Variants in FOXN3 observed in about 807,000 individuals in gnomAD.
FOXN3 encodes forkhead box N3.
In FOXN3, 7 loss-of-function variants were observed where a neutral mutation model predicts 38.4. That is an observed-to-expected ratio of 0.18 (90% confidence interval 0.10 to 0.34). The LOEUF is 0.34. Ranked by LOEUF, FOXN3 falls within the 10% of genes least tolerant of loss-of-function variation. The pLI is 1.00. For missense variants in FOXN3, 456 were observed against 613.4 expected, an observed-to-expected ratio of 0.74 and a Z score of 2.71; for synonymous variants, 230 against 242.2, an observed-to-expected ratio of 0.95 and a Z score of 0.47.
chr14:89,495,898 G>T (rs909648683), intron 1 of FOXN3, among the ~76,000 whole-genome samples: 2 of 152,160 alleles, frequency 1.3e-5, no homozygotes, highest in African/African-American at 4.8e-5. Context: ...CACCTGATCC[G>T]ATGTTCTCTA....
At chr14:89,467,181 T>C (rs1892987739) in intron 1 of FOXN3, among the ~76,000 whole-genome samples, 1 of 151,916 alleles carries the variant, frequency 6.6e-6, no homozygotes, top group African/African-American at 2.4e-5. Context: ...AGCTCTCTGC[T>C]AGGGAAGAAA....
intron 4 of FOXN3, among the ~76,000 whole-genome samples, chr14:89,246,018 A>G (rs72699585): frequency 0.15 from 22,665 of 152,156 alleles, 1,921 homozygotes; most frequent in Middle Eastern, 0.21. Context: ...AGGACGGGTG[A>G]TGGCTTAAGG....
intron 1 of FOXN3, among the ~76,000 whole-genome samples, chr14:89,433,744 G>A (rs936098144): frequency 6.0e-5 from 9 of 150,518 alleles, no homozygotes; most frequent in East Asian, 2.0e-4. Context: ...GCAAGGTGGC[G>A]GAGGTTGCAG....
chr14:89,360,698 T>TACCACCACCTCCAGCACTACCTCCACC (rs1566966233), intron 2 of FOXN3, among the ~76,000 whole-genome samples: 29 of 143,422 alleles, frequency 2.0e-4, no homozygotes, highest in African/African-American at 6.8e-4. Context: ...CATCCTCAGC[T>TACCACCACCTCCAGCACTACCTCCACC]ACCACCACCT....
At position 89,311,925 on chromosome 14, in the gene FOXN3, T is replaced by C. The variant is rs1887561455; in HGVS notation, c.681-30911A>G. On this transcript the variant is annotated intron_variant, in intron 3 of 5. Coordinates refer to ENST00000557258, the MANE Select transcript of FOXN3 (RefSeq NM_005197.4). The stretch of plus-strand genomic sequence containing the variant: ...TGGTGCAAAACGAGTGTACTATAAA[T>C]GCAGCATTCAAATCCATGGGGGAGA... Among the ~76,000 whole-genome samples, 3 of 152,054 alleles carry C rather than the reference T, an allele frequency of 2.0e-5. 1 individual carries two copies. The South Asian group carries it at 6.2e-4, about 31-fold the overall frequency.
intron 4 of FOXN3, among the ~76,000 whole-genome samples, chr14:89,224,244 ATTTCC>A (rs1383797510): frequency 2.6e-5 from 4 of 152,204 alleles, no homozygotes; most frequent in African/African-American, 9.6e-5. Flanking sequence ...AATAAGTTCG[ATTTCC>A]TTTACAAATG....
At chr14:89,560,543 CA>C (rs1170275079) in intron 1 of FOXN3, among the ~76,000 whole-genome samples, 2 of 152,214 alleles carry the variant, frequency 1.3e-5, no homozygotes, top group Non-Finnish European at 1.5e-5. Context: ...GCTTTATGAA[CA>C]GTAGTATACC....
At chr14:89,255,688 G>A (rs1885595803) in intron 4 of FOXN3, among the ~76,000 whole-genome samples, 1 of 152,092 alleles carries the variant, frequency 6.6e-6, no homozygotes, top group Non-Finnish European at 1.5e-5. Context: ...CAAGGCCCTT[G>A]CTCCTGGCCC....
intron 4 of FOXN3, among the ~76,000 whole-genome samples, chr14:89,188,409 A>G (rs1304545561): frequency 6.6e-6 from 1 of 152,200 alleles, no homozygotes; most frequent in African/African-American, 2.4e-5. Flanking sequence ...TGAAGGATCA[A>G]TCAGTCCCCT....
chr14:89,226,140 AGTT>A (rs137943237), intron 4 of FOXN3, among the ~76,000 whole-genome samples: 4,275 of 147,162 alleles, frequency 0.029, 73 homozygotes, highest in African/African-American at 0.047. Flanking sequence ...AAGGAAATCT[AGTT>A]GTTTTCTGAC....
At chr14:89,271,418 T>C (rs1886148081) in intron 4 of FOXN3, among the ~76,000 whole-genome samples, 1 of 152,236 alleles carries the variant, frequency 6.6e-6, no homozygotes, top group Non-Finnish European at 1.5e-5. Context: ...TTAATCTTTA[T>C]ATTTTATAAT....
intron 2 of FOXN3, among the ~76,000 whole-genome samples, chr14:89,390,449 A>G (rs908475490): frequency 6.7e-6 from 1 of 149,078 alleles, no homozygotes; most frequent in Admixed American, 6.7e-5. Flanking sequence ...GTATTTTTCA[A>G]TCAGGAGACT....
At chr14:89,571,494 G>T (rs2139895648) in intron 1 of FOXN3, among the ~76,000 whole-genome samples, 1 of 150,330 alleles carries the variant, frequency 6.7e-6, no homozygotes, top group Middle Eastern at 3.4e-3. Flanking sequence ...GGGCAGGAGA[G>T]TGAGACTCTG....
chr14:89,529,157 A>T (rs1337048965), intron 1 of FOXN3, among the ~76,000 whole-genome samples: 2 of 152,190 alleles, frequency 1.3e-5, no homozygotes, highest in African/African-American at 4.8e-5. Context: ...AATTTCTTTA[A>T]GTCTCATCCT....
chr14:89,473,499 G>C (rs770071685), intron 1 of FOXN3, among the ~76,000 whole-genome samples: 1 of 150,538 alleles, frequency 6.6e-6, no homozygotes, highest in African/African-American at 2.4e-5. Flanking sequence ...CCTCAGCCTC[G>C]CAAGTAGCTG....
chr14:89,336,256 A>ATCCATCCATCCT (rs1566960026), intron 3 of FOXN3, among the ~76,000 whole-genome samples: 1 of 151,114 alleles, frequency 6.6e-6, no homozygotes, highest in Non-Finnish European at 1.5e-5. Context: ...CCATTCATCC[A>ATCCATCCATCCT]TCCACACAGA....
intron 1 of FOXN3, among the ~76,000 whole-genome samples, chr14:89,554,507 T>C (rs867455521): frequency 6.6e-6 from 1 of 152,222 alleles, no homozygotes; most frequent in African/African-American, 2.4e-5. Context: ...TTGTTCACTT[T>C]TGGTTTTCCA....
chr14:89,161,604 T>TGTGTGTGTGTGTGTGC lies in FOXN3; in HGVS notation c.*809_*810insGCACACACACACACAC, dbSNP rs1182625512. ...GTGTGTGTGTGTGTGTGTGCGTGCGTGCACAGGGCCAATCTTCAGGCTTAT... is the reference window on the plus strand; with the variant it reads ...GTGTGTGTGTGTGTGTGTGCGTGCGTGTGTGTGTGTGTGTGCGCACAGGGCCAATCTTCAGGCTTAT... On this transcript the variant is annotated 3_prime_UTR_variant, in exon 6 of 6. Transcript: ENST00000557258. 7.0e-6 allele frequency: 1 copy of TGTGTGTGTGTGTGTGC among 143,792 alleles called. No homozygotes were observed. The highest frequency in any genetic ancestry group is 1.6e-5 in the Non-Finnish European group (1 of 64,276). The allele number at this position is 143,792 out of a possible 1,614,324, so 8.9% of individuals were successfully genotyped here. A position where few individuals can be genotyped will look rare whatever the true frequency, so the allele number is the denominator to read the frequency against.
intron 4 of FOXN3, among the ~76,000 whole-genome samples, chr14:89,257,533 A>G (rs1273737262): frequency 6.6e-6 from 1 of 152,192 alleles, no homozygotes; most frequent in African/African-American, 2.4e-5. Flanking sequence ...TAGATTAGGA[A>G]ATCTCTCAAA....
Sources: gnomAD v4.1 joint callset for allele counts (sites outside exome capture counted in the v4.1 genomes callset) on GRCh38, gnomAD v4.1.1 for gene constraint, MANE v1.5 for transcripts, NCBI Gene and HGNC (gene_info 2026-07-23, HGNC 2026-07-21) for gene names.